CFAP20DC: variants seen among roughly 807,000 people sequenced by gnomAD.
The protein encoded by CFAP20DC is protein CFAP20DC.
Under a neutral mutation model 101.7 loss-of-function variants are expected in CFAP20DC, and 84 were observed. The observed-to-expected ratio is 0.83, with a 90% CI of 0.69 to 0.99. The LOEUF (loss-of-function observed/expected upper bound fraction) is 0.99. Among genes scored for constraint, CFAP20DC ranks in the 50% least tolerant of loss-of-function variants. The pLI is 0.00. For missense variants in CFAP20DC, 1,007 were observed against 970.3 expected, an observed-to-expected ratio of 1.04 and a Z score of -0.50; for synonymous variants, 359 against 351.2, an observed-to-expected ratio of 1.02 and a Z score of -0.25.
At position 58,852,431 on chromosome 3, in the gene CFAP20DC, G is replaced by A. The variant is rs1005494344; in HGVS notation, c.1594-3022C>T. Among the ~76,000 whole-genome samples the A allele has an allele frequency of 1.5e-4, 22 of 151,714 alleles. No homozygotes were observed. The East Asian group carries it at 3.9e-3, about 27-fold the overall frequency. Reference sequence around the variant, plus strand: ...CACTGTCAACATTAGACAGATCAACGAGACAGAAAGTCAACAAGGATACCC... The same window carrying A: ...CACTGTCAACATTAGACAGATCAACAAGACAGAAAGTCAACAAGGATACCC... On this transcript the variant is annotated intron_variant, in intron 12 of 16. Coordinates refer to ENST00000482387, the MANE Select transcript of CFAP20DC (RefSeq NM_001394063.1).
At chr3:58,954,185 G>GT in intron 4 of CFAP20DC, among the ~76,000 whole-genome samples, 1 of 152,216 alleles carries the variant, frequency 6.6e-6, no homozygotes, top group South Asian at 2.1e-4. Context: ...TTGATTGACA[G>GT]TTTTTTTCCA....
intron 5 of CFAP20DC, among the ~76,000 whole-genome samples, chr3:58,925,151 T>C (rs1294098527): frequency 1.3e-5 from 2 of 152,172 alleles, no homozygotes; most frequent in Non-Finnish European, 2.9e-5. Context: ...CTGCTAGTTA[T>C]GGGGTTTCCC....
chr3:58,890,758 G>A (rs866058919), intron 6 of CFAP20DC, among the ~76,000 whole-genome samples: 18 of 150,378 alleles, frequency 1.2e-4, no homozygotes, highest in South Asian at 8.4e-4. Context: ...GGTTGCGGCC[G>A]GGCAGAGGCG....
chr3:58,893,043 ATTT>A (rs1184405114), intron 6 of CFAP20DC, among the ~76,000 whole-genome samples: 5 of 132,442 alleles, frequency 3.8e-5, no homozygotes, highest in African/African-American at 5.6e-5. Context: ...AACATGAAGG[ATTT>A]TTTTTTTTTT....
At chr3:58,867,492 A>T (rs2079795199) in intron 10 of CFAP20DC, among the ~76,000 whole-genome samples, 3 of 152,188 alleles carry the variant, frequency 2.0e-5, no homozygotes, top group African/African-American at 7.2e-5. Flanking sequence ...ATAAAGTTCC[A>T]TTTTAGTAAA....
Position 59,007,864 on chromosome 3 carries a change from A to G in CFAP20DC, c.278+31693T>C, listed in dbSNP as rs2093475179. On this transcript the variant is annotated intron_variant, in intron 4 of 16. Transcript: ENST00000482387. This position sits in a 1 kb window ranked among gnomAD's most constrained non-coding sequence, Gnocchi z 4.4. ...CCCTGTGGGACAAAAAACTCTGAAC[A>G]GCAGGACTTGGGTTTCAGATCTTTC... Among the ~76,000 whole-genome samples, 1 of 152,342 alleles carries G rather than the reference A, an allele frequency of 6.6e-6. No homozygotes were observed. The highest frequency in any genetic ancestry group is 2.4e-5 in the African/African-American group (1 of 41,574).
intron 14 of CFAP20DC, among the ~76,000 whole-genome samples, chr3:58,813,047 A>T (rs965213019): frequency 2.6e-5 from 4 of 151,904 alleles, no homozygotes; most frequent in Admixed American, 1.3e-4. Flanking sequence ...GTAAGTGTGT[A>T]AATATAATTT....
At chr3:58,939,479 G>A (rs910754957) in intron 4 of CFAP20DC, among the ~76,000 whole-genome samples, 1 of 151,700 alleles carries the variant, frequency 6.6e-6, no homozygotes, top group Non-Finnish European at 1.5e-5. Flanking sequence ...ATTTTTTTGA[G>A]ACAGAGTCTA....
Position 58,971,128 on chromosome 3 carries a change from TG to T in CFAP20DC, c.279-33367del, listed in dbSNP as rs2091923004. 6.6e-6 allele frequency among the ~76,000 whole-genome samples: 1 copy of T among 152,170 alleles called. No homozygotes were observed. Among genetic ancestry groups the T allele is most frequent in the South Asian group, 2.1e-4 (1 of 4,832 alleles). On this transcript the variant is annotated intron_variant, in intron 4 of 16. Coordinates refer to ENST00000482387, the MANE Select transcript of CFAP20DC (RefSeq NM_001394063.1). The surrounding 1 kb of genome is among the most constrained non-coding windows in gnomAD (Gnocchi z 4.1). The stretch of plus-strand genomic sequence containing the variant: ...TTGTTAATACACAGATGTAGGACAT[TG>T]CTTGTTCCAGCTAATTGACTATTCT...
chr3:59,032,971 G>A (rs1036020095), intron 4 of CFAP20DC, among the ~76,000 whole-genome samples: 1 of 152,116 alleles, frequency 6.6e-6, no homozygotes, highest in African/African-American at 2.4e-5. Flanking sequence ...TCTGGCAGGT[G>A]TGCCTCTGGG....
chr3:58,972,787 G>A (rs978582372), intron 4 of CFAP20DC, among the ~76,000 whole-genome samples: 6 of 152,256 alleles, frequency 3.9e-5, no homozygotes, highest in African/African-American at 1.4e-4. Flanking sequence ...GTTTACACGA[G>A]TTATATTTGT....
At chr3:58,867,139 T>C (rs952015008) in intron 10 of CFAP20DC, among the ~76,000 whole-genome samples, 1 of 152,322 alleles carries the variant, frequency 6.6e-6, no homozygotes, top group African/African-American at 2.4e-5. Flanking sequence ...TCTACTCTTT[T>C]ATAAAAAGCA....
chr3:58,876,678 T>C (rs1244843948), intron 7 of CFAP20DC, among the ~76,000 whole-genome samples: 1 of 152,164 alleles, frequency 6.6e-6, no homozygotes, highest in Non-Finnish European at 1.5e-5. Context: ...TAAACATTCA[T>C]TTTTGTCTCA....
chr3:58,856,265 GACACACACACACACACACAC>G (rs536277954), intron 12 of CFAP20DC, among the ~76,000 whole-genome samples: 40 of 124,136 alleles, frequency 3.2e-4, no homozygotes, highest in African/African-American at 1.1e-3. Context: ...TTCATCTTCT[GACACACACACACACACACAC>G]ACACACACAC....
At chr3:58,736,516 T>A (rs970190441) in intron 3 of CFAP20DC, among the ~76,000 whole-genome samples, 4 of 152,180 alleles carry the variant, frequency 2.6e-5, no homozygotes, top group Non-Finnish European at 2.9e-5. Context: ...TCAGAATAAA[T>A]AAAGAGAGTT....
intron 16 of CFAP20DC, among the ~76,000 whole-genome samples, chr3:58,751,247 C>T (rs989992066): frequency 1.3e-5 from 2 of 152,128 alleles, no homozygotes; most frequent in African/African-American, 2.4e-5. Context: ...GTAGACAAAT[C>T]AAGATTTAGA....
chr3:58,888,547 C>A (rs1219364241), intron 6 of CFAP20DC, among the ~76,000 whole-genome samples: 1 of 152,168 alleles, frequency 6.6e-6, no homozygotes, highest in Non-Finnish European at 1.5e-5. Context: ...AGGTATACTT[C>A]CTGATGCTCT....
chr3:58,792,246 G>A (rs2072917687), intron 15 of CFAP20DC, among the ~76,000 whole-genome samples: 1 of 152,078 alleles, frequency 6.6e-6, no homozygotes, highest in Non-Finnish European at 1.5e-5. Flanking sequence ...AATCATGTCT[G>A]GGATTCAAGC....
intron 15 of CFAP20DC, among the ~76,000 whole-genome samples, chr3:58,777,059 T>TA (rs112149298): frequency 0.12 from 17,701 of 151,818 alleles, 1,843 homozygotes; most frequent in East Asian, 0.35. Flanking sequence ...CTATTAAGAT[T>TA]AAAAAAAATA....
Sources: allele counts gnomAD v4.1 joint callset (sites outside exome capture counted in the v4.1 genomes callset), GRCh38; gene constraint gnomAD v4.1.1; non-coding constraint Gnocchi (gnomAD v3.1); transcripts MANE v1.5; gene names NCBI Gene and HGNC (gene_info 2026-07-23, HGNC 2026-07-21).